The following FOXP1 variants were observed in gnomAD, a reference collection of about 807,000 sequenced individuals.
FOXP1 encodes forkhead box protein P1.
Under a neutral mutation model 98.2 loss-of-function variants are expected in FOXP1, and 15 were observed. The observed-to-expected ratio is 0.15, with a 90% confidence interval of 0.10 to 0.24. FOXP1 has a LOEUF of 0.24. FOXP1 is among the 10% of genes least tolerant of loss of function. The probability of loss-of-function intolerance (pLI) is 1.00; values close to 1 mark genes in which losing one functional copy is unlikely to be tolerated. For synonymous variants in FOXP1, 371 were observed against 314.5 expected (o/e 1.18, Z -1.90); for missense variants, 633 against 848.5 (o/e 0.75, Z 3.15).
At chr3:71,408,795 G>A (rs1472291489) in intron 3 of FOXP1, among the ~76,000 whole-genome samples, 3 of 152,066 alleles carry the variant, frequency 2.0e-5, no homozygotes, top group Non-Finnish European at 4.4e-5. Context: ...TAAAGATCCC[G>A]GTTTCTAATT....
chr3:71,396,955 T>TATATATATATACACAC (rs1454869045), intron 3 of FOXP1, among the ~76,000 whole-genome samples: 4 of 51,902 alleles, frequency 7.7e-5, no homozygotes, highest in African/African-American at 3.2e-4. Flanking sequence ...TATGTGTATA[T>TATATATATATACACAC]ATATATATGT....
chr3:71,100,147 T>C (rs970054152), intron 7 of FOXP1, among the ~76,000 whole-genome samples: 1 of 152,178 alleles, frequency 6.6e-6, no homozygotes, highest in Non-Finnish European at 1.5e-5. Flanking sequence ...CCAGTGCCCA[T>C]GGCAGACATA....
At chr3:71,291,991 G>A (rs569105185) in intron 5 of FOXP1, among the ~76,000 whole-genome samples, 3 of 152,136 alleles carry the variant, frequency 2.0e-5, no homozygotes, top group East Asian at 1.9e-4. Context: ...AGGCCTGAGC[G>A]ACTGTGCCTG....
At chr3:71,269,528 C>T (rs1432211850) in intron 5 of FOXP1, among the ~76,000 whole-genome samples, 1 of 152,054 alleles carries the variant, frequency 6.6e-6, no homozygotes, top group Non-Finnish European at 1.5e-5. Flanking sequence ...TAAGTAAGTC[C>T]CTCACTATAA....
At chr3:71,432,370 C>T (rs1027392630) in intron 3 of FOXP1, among the ~76,000 whole-genome samples, 5 of 152,206 alleles carry the variant, frequency 3.3e-5, no homozygotes, top group Non-Finnish European at 5.9e-5. Context: ...TTCCCCTTCC[C>T]TGCCTCACCA....
chr3:71,272,336 G>A (rs1284300088), intron 5 of FOXP1, among the ~76,000 whole-genome samples: 1 of 152,108 alleles, frequency 6.6e-6, no homozygotes, highest in Non-Finnish European at 1.5e-5. Context: ...CGGCATCCCG[G>A]GTGGGTCAAC....
At chr3:71,405,302 A>G (rs2082240819) in intron 3 of FOXP1, among the ~76,000 whole-genome samples, 1 of 152,248 alleles carries the variant, frequency 6.6e-6, no homozygotes. Flanking sequence ...GTGTGAATGT[A>G]AGGTGTATAA....
At chr3:71,027,980 C>T (rs2046352994) in intron 11 of FOXP1, among the ~76,000 whole-genome samples, 1 of 152,074 alleles carries the variant, frequency 6.6e-6, no homozygotes, top group Non-Finnish European at 1.5e-5. Context: ...GAACAGATGG[C>T]TGGAACATAA....
At chr3:71,080,848 C>A (rs1007321902) in intron 7 of FOXP1, among the ~76,000 whole-genome samples, 1 of 152,172 alleles carries the variant, frequency 6.6e-6, no homozygotes. Flanking sequence ...AAAGTCTTAC[C>A]ATCTCTGAAT....
intron 7 of FOXP1, among the ~76,000 whole-genome samples, chr3:71,081,752 G>A (rs2054445290): frequency 6.6e-6 from 1 of 152,200 alleles, no homozygotes; most frequent in Admixed American, 6.5e-5. Flanking sequence ...CAAGATTTAA[G>A]TCATCTTCCA....
intron 6 of FOXP1, among the ~76,000 whole-genome samples, chr3:71,139,004 C>T (rs560243944): frequency 2.0e-5 from 3 of 152,186 alleles, no homozygotes; most frequent in African/African-American, 7.2e-5. Context: ...AAACGGCATC[C>T]TGGTTTCGCA....
At chr3:71,272,862 G>T (rs1431006566) in intron 5 of FOXP1, among the ~76,000 whole-genome samples, 1 of 152,102 alleles carries the variant, frequency 6.6e-6, no homozygotes, top group East Asian at 1.9e-4. Flanking sequence ...GAACTGCTAG[G>T]GGAAAGCTCA....
At chr3:71,087,040 T>C (rs1429002011) in intron 7 of FOXP1, among the ~76,000 whole-genome samples, 2 of 152,222 alleles carry the variant, frequency 1.3e-5, no homozygotes, top group African/African-American at 4.8e-5. Context: ...GCAGTCACCA[T>C]AACAGTAAAA....
rs138047120 is a variant in FOXP1 at position 71,452,082 on chromosome 3, G to A, written c.-168+41344C>T. 4.7e-3 allele frequency among the ~76,000 whole-genome samples: 716 copies of A among 152,212 alleles called. 6 individuals are homozygous for A. The highest frequency in any genetic ancestry group is 7.3e-3 in the Non-Finnish European group (497 of 68,010). On this transcript the variant is annotated intron_variant, in intron 3 of 20. Transcript: ENST00000649528. Reference sequence around the variant, plus strand: ...AAGTCAGCGCCAGGAGGGTAAAGACGTACATGTCATTGCCAAATATTTACT... The same window carrying A: ...AAGTCAGCGCCAGGAGGGTAAAGACATACATGTCATTGCCAAATATTTACT...
intron 6 of FOXP1, among the ~76,000 whole-genome samples, chr3:71,118,161 C>T (rs1341979673): frequency 6.6e-6 from 1 of 152,198 alleles, no homozygotes; most frequent in Admixed American, 6.5e-5. Flanking sequence ...CCTCTCGCTG[C>T]TGGCTCGGTA....
At chr3:71,404,601 C>T (rs1182372633) in intron 3 of FOXP1, among the ~76,000 whole-genome samples, 2 of 151,734 alleles carry the variant, frequency 1.3e-5, no homozygotes, top group Non-Finnish European at 2.9e-5. Flanking sequence ...TAATTGTTGA[C>T]TTTAAATATG....
intron 5 of FOXP1, among the ~76,000 whole-genome samples, chr3:71,227,727 G>GT (rs200008942): frequency 0.017 from 2,366 of 142,298 alleles, 29 homozygotes; most frequent in Middle Eastern, 0.033. Flanking sequence ...CATGCTCAAT[G>GT]TTTTTAAAAA....
At chr3:71,375,725 A>C (rs923577208) in intron 3 of FOXP1, among the ~76,000 whole-genome samples, 1 of 152,226 alleles carries the variant, frequency 6.6e-6, no homozygotes, top group African/African-American at 2.4e-5. Flanking sequence ...ATGTCATTAA[A>C]AGACAAGGAT....
intron 11 of FOXP1, among the ~76,000 whole-genome samples, chr3:71,037,697 C>T (rs961263271): frequency 6.6e-6 from 1 of 152,112 alleles, no homozygotes; most frequent in African/African-American, 2.4e-5. Context: ...ATTAAATTGT[C>T]GGAGAAAATC....
Sources: allele counts gnomAD v4.1 joint callset (sites outside exome capture counted in the v4.1 genomes callset), GRCh38; gene constraint gnomAD v4.1.1; transcripts MANE v1.5; gene names NCBI Gene and HGNC (gene_info 2026-07-23, HGNC 2026-07-21).